The following PAN3 variants were observed in gnomAD, a reference collection of about 807,000 sequenced individuals.
The protein encoded by PAN3 is PAN2-PAN3 deadenylation complex subunit PAN3.
Under a neutral mutation model 96.2 loss-of-function variants are expected in PAN3, and 19 were observed. The ratio of observed to expected loss-of-function variants is 0.20; its 90% CI spans 0.14 to 0.29. The LOEUF (loss-of-function observed/expected upper bound fraction) is 0.29. PAN3 is among the 10% of genes least tolerant of loss of function. The probability of loss-of-function intolerance (pLI) is 1.00; values close to 1 mark genes in which losing one functional copy is unlikely to be tolerated. For missense variants in PAN3, 882 were observed against 1,108.1 expected (o/e 0.80, Z 2.90); for synonymous variants, 433 against 406.6 (o/e 1.06, Z -0.78).
chr13:28,267,343 G>T lies in PAN3; in HGVS notation c.1734G>T (p.Met578Ile). The change falls in exon 12 of 19, where the codon ATG (methionine) becomes ATT (isoleucine). Residue 578 changes from methionine (M) to isoleucine (I), a missense_variant. Met to Ile is a conservative substitution (Grantham distance 10). Coordinates refer to ENST00000380958, the MANE Select transcript of PAN3 (RefSeq NM_175854.8). ...AYDFHAGGET[M>I]MSRHFNDPNA... ...ATTTCCATGCTGGAGGAGAAACTAT[G>T]ATGAGCAGACACTTTAATGACCCTA... The T allele has an allele frequency of 6.2e-7, 1 of 1,613,818 alleles. No individual in the cohort carries two copies. The highest frequency in any genetic ancestry group is 8.5e-7 in the Non-Finnish European group (1 of 1,179,836).
At chr13:28,266,933 A>AAGAAGGTTTGAAT in intron 10 of PAN3, 57 bp downstream of exon 10, 1 of 1,406,130 alleles carries the variant, frequency 7.1e-7, no homozygotes, top group Non-Finnish European at 9.5e-7. Flanking sequence ...AAGATTATTC[A>AAGAAGGTTTGAAT]AACCTTCTTG....
At chr13:28,263,944 A>C (rs747231232) in intron 9 of PAN3, among the ~76,000 whole-genome samples, 6 of 152,188 alleles carry the variant, frequency 3.9e-5, no homozygotes, top group Non-Finnish European at 7.4e-5. Flanking sequence ...ATTTTCAAAC[A>C]AACACCGCCC....
rs1347449470 is a variant in PAN3, at chr13:28,194,473, T to A, written c.691-2712T>A. Among the ~76,000 whole-genome samples the A allele has an allele frequency of 4.7e-3, 668 of 141,510 alleles. 6 individuals are homozygous for A. Among genetic ancestry groups the A allele is most frequent in the African/African-American group, 0.016 (615 of 37,740 alleles). 92.8% of individuals were successfully genotyped at this position (141,510 alleles called of 152,430 possible). A position where few individuals can be genotyped will look rare whatever the true frequency, so the allele number is the denominator to read the frequency against. On this transcript the variant is annotated intron_variant, in intron 4 of 18. Transcript: ENST00000380958. ...ATGTATATATATATATATATTTTTTTTTTTTTTTTTTTGTAGAGACGGAGT... is the reference window on the plus strand; with the variant it reads ...ATGTATATATATATATATATTTTTTATTTTTTTTTTTTGTAGAGACGGAGT...
intron 1 of PAN3, among the ~76,000 whole-genome samples, chr13:28,157,990 A>G (rs1390407966): frequency 6.6e-6 from 1 of 152,220 alleles, no homozygotes; most frequent in Non-Finnish European, 1.5e-5. Flanking sequence ...GTACAGGTAC[A>G]AAAACAGTGA....
chr13:28,223,541 G>C (rs1268060550), intron 6 of PAN3, among the ~76,000 whole-genome samples: 1 of 151,148 alleles, frequency 6.6e-6, no homozygotes, highest in Non-Finnish European at 1.5e-5. Context: ...CAAAATTTAA[G>C]AACCACTGTT....
Position 28,139,049 on chromosome 13 carries a change from G to A in PAN3, c.392G>A (p.Gly131Glu). Reference sequence around the variant, plus strand: ...GGGACCGGAGCCGCAGCCGGCGGAGGAGGCAGTAGCGGGGGACTCGATGGA... The same window carrying A: ...GGGACCGGAGCCGCAGCCGGCGGAGAAGGCAGTAGCGGGGGACTCGATGGA... ...DPGTGAAAGGGGSSGGLDGPR... is the reference protein window; with the variant it reads ...DPGTGAAAGGEGSSGGLDGPR... The change falls in exon 1 of 19, where the codon GGA becomes GAA. Residue 131 changes from glycine (G) to glutamate (E), a missense_variant. This residue lies in a region of PAN3 where 442 missense variants were observed against 422.8 expected (regional missense o/e 1.05). Transcript: ENST00000380958. 1 of 1,277,566 alleles carries A rather than the reference G, an allele frequency of 7.8e-7. No individual in the cohort carries two copies. The highest frequency in any genetic ancestry group is 4.2e-5 in the Admixed American group (1 of 23,788). 79.1% of individuals were successfully genotyped at this position (1,277,566 alleles called of 1,614,324 possible). A position where few individuals can be genotyped will look rare whatever the true frequency, so the allele number is the denominator to read the frequency against.
At chr13:28,264,069 T>C (rs867939281) in intron 9 of PAN3, among the ~76,000 whole-genome samples, 1 of 152,336 alleles carries the variant, frequency 6.6e-6, no homozygotes, top group Middle Eastern at 3.4e-3. Context: ...AACATATTCA[T>C]CTACTTAATT....
chr13:28,203,819 T>C (rs1298856264), intron 5 of PAN3, among the ~76,000 whole-genome samples: 1 of 151,412 alleles, frequency 6.6e-6, no homozygotes, highest in Admixed American at 6.6e-5. Flanking sequence ...TTTTTTTTTT[T>C]TTTGAGACGG....
chr13:28,184,527 C>G (rs1876214141), intron 4 of PAN3, among the ~76,000 whole-genome samples: 1 of 152,042 alleles, frequency 6.6e-6, no homozygotes, highest in Admixed American at 6.6e-5. Context: ...GCTTCTTTTT[C>G]CACTTAAGTG....
At chr13:28,186,998 G>C (rs1389872184) in intron 4 of PAN3, among the ~76,000 whole-genome samples, 4 of 152,092 alleles carry the variant, frequency 2.6e-5, no homozygotes, top group Admixed American at 2.6e-4. Context: ...AGGATTGCTT[G>C]AGACTAGCCT....
Position 28,138,850 on chromosome 13 carries a change from C to T in PAN3, c.193C>T (p.Gln65Ter). 7.0e-7 allele frequency: 1 copy of T among 1,423,272 alleles called. No individual in the cohort carries two copies. Among genetic ancestry groups the T allele is most frequent in the Non-Finnish European group, 9.1e-7 (1 of 1,093,398 alleles). The allele number at this position is 1,423,272 out of a possible 1,614,324, so 88.2% of individuals were successfully genotyped here. A position where few individuals can be genotyped will look rare whatever the true frequency, so the allele number is the denominator to read the frequency against. The part of the protein sequence containing the change: ...DKTCFYGEEC[Q>*]FLHEDPAAGA... ...GACTTGCTTCTACGGGGAGGAGTGT[C>T]AGTTCCTGCATGAGGACCCTGCCGC... Residue 65 changes from glutamine to a stop codon, truncating the protein, a stop_gained, in exon 1 of 19, where the codon CAG becomes TAG. Coordinates refer to ENST00000380958, the MANE Select transcript of PAN3 (RefSeq NM_175854.8). LOFTEE classifies it high-confidence loss of function.
Position 28,280,477 on chromosome 13 carries a change from G to A in PAN3, c.2255G>A (p.Arg752Gln), listed in dbSNP as rs1887378568. The change falls in exon 16 of 19, where the codon CGA (arginine) becomes CAA (glutamine). Residue 752 changes from arginine (R) to glutamine (Q), a missense_variant. Around this residue, in one of 3 missense-constraint regions of PAN3, gnomAD observed 76 missense variants for 171.7 expected, o/e 0.44. Coordinates refer to ENST00000380958, the MANE Select transcript of PAN3 (RefSeq NM_175854.8). ...GACATCATGCCCATGATTGGTGCTC[G>A]ATTTTATACTCAATTGGATGCTGCT... is the stretch of plus-strand genomic sequence containing the variant. ...VNDIMPMIGA[R>Q]FYTQLDAAQM... The A allele has an allele frequency of 6.2e-7, 1 of 1,612,506 alleles. No homozygotes were observed. The highest frequency in any genetic ancestry group is 8.5e-7 in the Non-Finnish European group (1 of 1,179,332).
Position 28,220,200 on chromosome 13 carries a change from T to G in PAN3, c.853-31T>G. 13 of 1,603,484 alleles carry G rather than the reference T, an allele frequency of 8.1e-6. No homozygotes were observed. The South Asian group carries it at 1.3e-4, about 16-fold the overall frequency. On this transcript the variant is annotated intron_variant, in intron 5 of 18. Transcript: ENST00000380958. ...CAATGTCTTTTTTCGGCTTAAAGTG[T>G]GTTAACTTACTATATTTGATTTTTA...
At chr13:28,166,102 C>T (rs1380091303) in intron 1 of PAN3, among the ~76,000 whole-genome samples, 1 of 152,162 alleles carries the variant, frequency 6.6e-6, no homozygotes, top group Non-Finnish European at 1.5e-5. Flanking sequence ...TCTTCCAGCA[C>T]CAATTCAAAA....
At chr13:28,243,506 A>G (rs1430590366) in intron 6 of PAN3, among the ~76,000 whole-genome samples, 1 of 152,212 alleles carries the variant, frequency 6.6e-6, no homozygotes, top group Non-Finnish European at 1.5e-5. Flanking sequence ...CATAATGAAA[A>G]TGTTTTAATT....
At chr13:28,276,232 A>G (rs554535715) in intron 14 of PAN3, among the ~76,000 whole-genome samples, 1 of 152,352 alleles carries the variant, frequency 6.6e-6, no homozygotes, top group South Asian at 2.1e-4. Flanking sequence ...AAGTGATGGT[A>G]ATATACAGCT....
intron 5 of PAN3, among the ~76,000 whole-genome samples, chr13:28,209,259 G>C (rs1314061423): frequency 6.6e-6 from 1 of 152,126 alleles, no homozygotes; most frequent in Non-Finnish European, 1.5e-5. Context: ...AGAAGAGTAC[G>C]AAGAAGAAGG....
At chr13:28,268,419 T>C (rs1314367732) in intron 12 of PAN3, among the ~76,000 whole-genome samples, 2 of 152,184 alleles carry the variant, frequency 1.3e-5, no homozygotes, top group Non-Finnish European at 2.9e-5. Context: ...CAAAATAGAA[T>C]TTTAAGTAAC....
rs1874840014 is a variant in PAN3 at position 28,175,425 on chromosome 13, A to G, written c.552+1032A>G. Among the ~76,000 whole-genome samples, 3 of 152,084 alleles carry G rather than the reference A, an allele frequency of 2.0e-5. No individual in the cohort carries two copies. In the South Asian group the frequency reaches 6.2e-4, roughly 32 times the overall value. On this transcript the variant is annotated intron_variant, in intron 2 of 18. Transcript: ENST00000380958. ...CCACCATGCCTGGCTAATAAAAATA[A>G]TTTTAGCAGAGATGAGGTCTGTGTT...
Sources: allele counts gnomAD v4.1 joint callset (sites outside exome capture counted in the v4.1 genomes callset), GRCh38; gene constraint gnomAD v4.1.1; regional missense constraint gnomAD v4.1.1; transcripts MANE v1.5; gene names NCBI Gene and HGNC (gene_info 2026-07-23, HGNC 2026-07-21).